PCDH15: variants seen among roughly 807,000 people sequenced by gnomAD.
PCDH15 encodes the protein protocadherin related 15.
A neutral mutation model predicts 178.5 loss-of-function variants in PCDH15; 129 were observed. The ratio of observed to expected loss-of-function variants is 0.72; its 90% CI spans 0.63 to 0.84. PCDH15 has a LOEUF of 0.84. Ranked by LOEUF, PCDH15 falls within the 40% of genes least tolerant of loss-of-function variation. The probability of loss-of-function intolerance (pLI) is 0.00; values close to 1 mark genes in which losing one functional copy is unlikely to be tolerated. For missense variants in PCDH15, 2,230 were observed against 2,099.9 expected, an observed-to-expected ratio of 1.06 and a Z score of -1.21; for synonymous variants, 800 against 732.0, an observed-to-expected ratio of 1.09 and a Z score of -1.50.
chr10:54,266,350 A>C (rs1193414643), intron 8 of PCDH15, among the ~76,000 whole-genome samples: 1 of 151,926 alleles, frequency 6.6e-6, no homozygotes, highest in Non-Finnish European at 1.5e-5. Context: ...TACATCAAAA[A>C]GACAGAAATA....
intron 5 of PCDH15, among the ~76,000 whole-genome samples, chr10:54,352,396 C>A (rs769310823): frequency 4.6e-5 from 7 of 152,016 alleles, no homozygotes; most frequent in Non-Finnish European, 1.0e-4. Context: ...CCAAAAAGAG[C>A]CACCCTAGAG....
rs947577914 is a variant in PCDH15 at position 54,045,607 on chromosome 10, A to G, written c.2220+21150T>C. Among the ~76,000 whole-genome samples the G allele has an allele frequency of 3.9e-5, 6 of 152,202 alleles. No homozygotes were observed. The South Asian group carries it at 1.0e-3, about 26-fold the overall frequency. On this transcript the variant is annotated intron_variant, in intron 18 of 37. Coordinates refer to ENST00000644397, the MANE Select transcript of PCDH15 (RefSeq NM_001384140.1). ...AAACCCTCATACACATGTATATGGG[A>G]TTTATGATAATATGTATTGCGAGTC...
chr10:54,802,797 A>T (rs907860009), upstream of PCDH15, among the ~76,000 whole-genome samples: 1 of 152,172 alleles, frequency 6.6e-6, no homozygotes, highest in African/African-American at 2.4e-5. Flanking sequence ...TTTTCTAATG[A>T]CAATTCAGCC....
intron 3 of PCDH15, among the ~76,000 whole-genome samples, chr10:54,428,621 C>A (rs9415323): frequency 5.3e-5 from 8 of 151,824 alleles, no homozygotes. Context: ...TCAGAGCCAA[C>A]GGGCATTGAG....
intron 34 of PCDH15, among the ~76,000 whole-genome samples, chr10:53,817,204 C>T (rs140926101): frequency 2.5e-4 from 38 of 152,202 alleles, no homozygotes; most frequent in African/African-American, 8.9e-4. Flanking sequence ...AAACTACAAT[C>T]CAATTAGGTC....
At chr10:54,289,772 C>T (rs1319962732) in intron 8 of PCDH15, among the ~76,000 whole-genome samples, 4 of 151,946 alleles carry the variant, frequency 2.6e-5, no homozygotes, top group East Asian at 3.9e-4. Flanking sequence ...ATGGCCAATT[C>T]GATCAAGTGA....
At chr10:54,897,148 G>A (rs1373436998) in intron 3 of PCDH15, among the ~76,000 whole-genome samples, 1 of 152,132 alleles carries the variant, frequency 6.6e-6, no homozygotes, top group Admixed American at 6.6e-5. Flanking sequence ...TAATACGTTG[G>A]CAAGAAAGTC....
chr10:54,578,162 A>G (rs1168108035), intron 2 of PCDH15, among the ~76,000 whole-genome samples: 1 of 152,114 alleles, frequency 6.6e-6, no homozygotes, highest in Non-Finnish European at 1.5e-5. Context: ...AGTACTTTTT[A>G]AATTTCTGGT....
intron 15 of PCDH15, among the ~76,000 whole-genome samples, chr10:54,100,319 C>G (rs1044024962): frequency 2.0e-5 from 3 of 150,846 alleles, no homozygotes; most frequent in Non-Finnish European, 2.9e-5. Flanking sequence ...CAGCCAAGAT[C>G]ACATCATTGC....
intron 2 of PCDH15, among the ~76,000 whole-genome samples, chr10:54,549,172 GTTTT>G (rs1181545167): frequency 6.6e-6 from 1 of 151,108 alleles, no homozygotes; most frequent in Admixed American, 6.6e-5. Context: ...GATACTTTAT[GTTTT>G]TTATTATTTA....
At chr10:54,880,468 C>A (rs1447790446) in intron 3 of PCDH15, among the ~76,000 whole-genome samples, 1 of 151,974 alleles carries the variant, frequency 6.6e-6, no homozygotes, top group Non-Finnish European at 1.5e-5. Flanking sequence ...AATTTAGAAG[C>A]ATTCTTCTAA....
chr10:54,647,164 C>A (rs116605767), intron 2 of PCDH15, among the ~76,000 whole-genome samples: 5 of 151,868 alleles, frequency 3.3e-5, no homozygotes, highest in Admixed American at 2.0e-4. Flanking sequence ...TCTTAAAGGG[C>A]GGAAAGAAAA....
At chr10:55,337,336 G>A (rs1844421936) in intron 2 of PCDH15, among the ~76,000 whole-genome samples, 1 of 152,132 alleles carries the variant, frequency 6.6e-6, no homozygotes, top group African/African-American at 2.4e-5. Context: ...CAGCAATACT[G>A]AGAGGAATCA....
intron 1 of PCDH15, among the ~76,000 whole-genome samples, chr10:54,757,276 C>CTTTTTTTTTTTTTTTTTT (rs57411772): frequency 2.9e-5 from 1 of 34,180 alleles, no homozygotes; most frequent in Non-Finnish European, 5.1e-5. Flanking sequence ...AGAATTCTAC[C>CTTTTTTTTTTTTTTTTTT]TTTTTTTTTT....
At chr10:55,230,617 G>A (rs1841186218) in intron 1 of PCDH15, among the ~76,000 whole-genome samples, 1 of 151,992 alleles carries the variant, frequency 6.6e-6, no homozygotes, top group African/African-American at 2.4e-5. Context: ...AATCGGCAGA[G>A]GTATATGGAA....
intron 9 of PCDH15, among the ~76,000 whole-genome samples, chr10:54,215,767 C>T (rs1336078059): frequency 1.3e-5 from 2 of 152,064 alleles, no homozygotes. Flanking sequence ...GACGGCCGGG[C>T]GCGGTGGCTC....
intron 9 of PCDH15, among the ~76,000 whole-genome samples, chr10:54,236,134 A>T (rs750866960): frequency 2.6e-5 from 4 of 152,130 alleles, no homozygotes; most frequent in Non-Finnish European, 4.4e-5. Context: ...TTCTCCCTTA[A>T]AAGATATATA....
intron 1 of PCDH15, among the ~76,000 whole-genome samples, chr10:54,695,793 C>G (rs529662950): frequency 6.6e-6 from 1 of 152,060 alleles, no homozygotes; most frequent in African/African-American, 2.4e-5. Flanking sequence ...GCCTGGATAA[C>G]AGCCCATATA....
intron 37 of PCDH15, chr10:53,809,093 C>T (rs1564511764): frequency 6.2e-7 from 1 of 1,613,822 alleles, no homozygotes; most frequent in Non-Finnish European, 8.5e-7. Flanking sequence ...CTTGCTTTTT[C>T]TCCTTCTGAC....
Sources: allele counts gnomAD v4.1 joint callset (sites outside exome capture counted in the v4.1 genomes callset), GRCh38; gene constraint gnomAD v4.1.1; transcripts MANE v1.5; gene names NCBI Gene and HGNC (gene_info 2026-07-23, HGNC 2026-07-21).